The following OR4E1 variants were observed in gnomAD, a reference collection of about 807,000 sequenced individuals.
The protein encoded by OR4E1 is olfactory receptor family 4 subfamily E member 1, also known as olfactory receptor 4E1.
rs1386874310 is a variant in OR4E1, at chr14:21,668,435, TC to T, written c.*1552del. ...ACCTTGTGGCTCACAGGTTTATTGATCATACACTCACTGAGTGCCTAGGAAA... is the reference window on the plus strand; with the variant it reads ...ACCTTGTGGCTCACAGGTTTATTGATATACACTCACTGAGTGCCTAGGAAA... On this transcript the variant is annotated 3_prime_UTR_variant, in exon 2 of 2. Transcript: ENST00000641792. 1 of 115,768 alleles carries T rather than the reference TC, an allele frequency of 8.6e-6. No homozygotes were observed. The highest frequency in any genetic ancestry group is 1.9e-5 in the Non-Finnish European group (1 of 51,462). 7.2% of individuals were successfully genotyped at this position (115,768 alleles called of 1,614,324 possible).
In OR4E1 at chr14:21,670,022, A is replaced by G. The variant is rs979562530; in HGVS notation, c.914T>C (p.Leu305Ser). The G allele has an allele frequency of 2.5e-6, 1 of 398,566 alleles. No homozygotes were observed. The highest frequency in any genetic ancestry group is 2.1e-5 in the African/African-American group (1 of 48,692). The allele number at this position is 398,566 out of a possible 1,614,324, so 24.7% of individuals were successfully genotyped here. The change falls in exon 2 of 2, where the codon TTA becomes TCA. Residue 305 changes from leucine (L) to serine (S), a missense_variant. Leu to Ser is a moderately radical substitution (Grantham distance 145). Coordinates refer to ENST00000641792, the MANE Select transcript of OR4E1 (RefSeq NM_001317107.2). ...TTCTTTTCTCTCTTTTCTCCCCACT[A>G]ACTTGTTTAAGGCACTCTTCATTTC... is the stretch of plus-strand genomic sequence containing the variant. Reference protein sequence around the residue: ...NEEMKSALNKLVGRKERKEEK With the variant: ...NEEMKSALNKSVGRKERKEEK
chr14:21,671,662 G>A (rs1196333208), intron 1 of OR4E1, among the ~76,000 whole-genome samples: 1 of 152,176 alleles, frequency 6.6e-6, no homozygotes, highest in African/African-American at 2.4e-5. Context: ...CAAGATCCAA[G>A]CCTAATAACA....
At position 21,669,623 on chromosome 14, in the gene OR4E1, T is replaced by C. The variant is rs951703160; in HGVS notation, c.*365A>G. On this transcript the variant is annotated 3_prime_UTR_variant, in exon 2 of 2. Coordinates refer to ENST00000641792, the MANE Select transcript of OR4E1 (RefSeq NM_001317107.2). Reference sequence around the variant, plus strand: ...AACAGAAAAGCAGAAAGAGGCAGCATATGTTGTGAAAAGAGCTTGAGTTTC... The same window carrying C: ...AACAGAAAAGCAGAAAGAGGCAGCACATGTTGTGAAAAGAGCTTGAGTTTC... 2 of 155,960 alleles carry C rather than the reference T, an allele frequency of 1.3e-5. No individual in the cohort carries two copies. Among genetic ancestry groups the C allele is most frequent in the Admixed American group, 6.5e-5 (1 of 15,380 alleles). 9.7% of individuals were successfully genotyped at this position (155,960 alleles called of 1,614,324 possible).
At chr14:21,672,378 A>T (rs1282085881) in intron 1 of OR4E1, among the ~76,000 whole-genome samples, 1 of 152,200 alleles carries the variant, frequency 6.6e-6, no homozygotes, top group African/African-American at 2.4e-5. Flanking sequence ...CAAAGAAGAT[A>T]TTTTTGGGGC....
intron 1 of OR4E1, among the ~76,000 whole-genome samples, chr14:21,672,123 G>T (rs1220531475): frequency 6.6e-6 from 1 of 152,140 alleles, no homozygotes; most frequent in Non-Finnish European, 1.5e-5. Flanking sequence ...AGATTGTGGG[G>T]CAGGGTTAGG....
In OR4E1 at chr14:21,673,247, T is replaced by A. The variant is rs2138561166; in HGVS notation, c.-175A>T. On this transcript the variant is annotated 5_prime_UTR_variant, in exon 1 of 2. Transcript: ENST00000641792. ...TAAAAATCACACCTTTGTAGCTATATTATTATCATATTTTTCAATATGTCA... is the reference window on the plus strand; with the variant it reads ...TAAAAATCACACCTTTGTAGCTATAATATTATCATATTTTTCAATATGTCA... 1 of 152,294 alleles carries A rather than the reference T, an allele frequency of 6.6e-6. No homozygotes were observed. Among genetic ancestry groups the A allele is most frequent in the Non-Finnish European group, 1.5e-5 (1 of 68,020 alleles). The allele number at this position is 152,294 out of a possible 1,614,324, so 9.4% of individuals were successfully genotyped here.
At chr14:21,671,179 A>G (rs1319153816) in intron 1 of OR4E1, among the ~76,000 whole-genome samples, 1 of 152,244 alleles carries the variant, frequency 6.6e-6, no homozygotes, top group Non-Finnish European at 1.5e-5. Flanking sequence ...TCATTCATTA[A>G]GAGATATAAA....
chr14:21,669,193 A>T lies in OR4E1; in HGVS notation c.*795T>A, dbSNP rs1880796976. On this transcript the variant is annotated 3_prime_UTR_variant, in exon 2 of 2. Coordinates refer to ENST00000641792, the MANE Select transcript of OR4E1 (RefSeq NM_001317107.2). Reference sequence around the variant, plus strand: ...CTCTAACAGCACCCTGCTGTTTTATAGCATTTATCACAATCTGTAGTTAAA... The same window carrying T: ...CTCTAACAGCACCCTGCTGTTTTATTGCATTTATCACAATCTGTAGTTAAA... The T allele has an allele frequency of 6.6e-6, 1 of 152,226 alleles. No individual in the cohort carries two copies. Among genetic ancestry groups the T allele is most frequent in the Admixed American group, 6.5e-5 (1 of 15,286 alleles). 9.4% of individuals were successfully genotyped at this position (152,226 alleles called of 1,614,324 possible).
chr14:21,672,096 C>T (rs1205123226), intron 1 of OR4E1, among the ~76,000 whole-genome samples: 2 of 152,120 alleles, frequency 1.3e-5, no homozygotes, highest in African/African-American at 4.8e-5. Context: ...CTCTTCCTCT[C>T]CTTGGTGTCC....
At chr14:21,671,950 A>T (rs975920466) in intron 1 of OR4E1, among the ~76,000 whole-genome samples, 2 of 152,032 alleles carry the variant, frequency 1.3e-5, no homozygotes, top group Non-Finnish European at 2.9e-5. Context: ...ACGGAACTGG[A>T]GTCACAGCTG....
chr14:21,673,640 G>A lies in OR4E1; in HGVS notation c.-568C>T, dbSNP rs1273631563. The A allele has an allele frequency of 6.7e-6, 1 of 149,266 alleles. No individual in the cohort carries two copies. The highest frequency in any genetic ancestry group is 2.5e-5 in the African/African-American group (1 of 40,606). 9.2% of individuals were successfully genotyped at this position (149,266 alleles called of 1,614,324 possible). ...AAAAAAGAGTCAGCCACTTTTGCAG[G>A]CCCTTCAGGTTTATTAGGACACTTC... On this transcript the variant is annotated 5_prime_UTR_variant, in exon 1 of 2. Transcript: ENST00000641792.
chr14:21,669,551 G>C lies in OR4E1; in HGVS notation c.*437C>G, dbSNP rs1428861638. On this transcript the variant is annotated 3_prime_UTR_variant, in exon 2 of 2. Transcript: ENST00000641792. ...CATCTGAGTGAATGATGCAGGCAAG[G>C]GCTGCCCAGAAATCTGAAGGTTTGT... 1 of 152,444 alleles carries C rather than the reference G, an allele frequency of 6.6e-6. No individual in the cohort carries two copies. The highest frequency in any genetic ancestry group is 1.9e-4 in the East Asian group (1 of 5,206). 9.4% of individuals were successfully genotyped at this position (152,444 alleles called of 1,614,324 possible). A position where few individuals can be genotyped will look rare whatever the true frequency, so the allele number is the denominator to read the frequency against.
chr14:21,672,794 GA>G (rs972590276), intron 1 of OR4E1, among the ~76,000 whole-genome samples: 1 of 151,992 alleles, frequency 6.6e-6, no homozygotes, highest in Non-Finnish European at 1.5e-5. Flanking sequence ...GGAGCCACAG[GA>G]AAAAAATGCT....
chr14:21,671,197 T>G (rs1028472698), intron 1 of OR4E1, among the ~76,000 whole-genome samples: 1 of 152,172 alleles, frequency 6.6e-6, no homozygotes, highest in African/African-American at 2.4e-5. Context: ...AAAACAATCT[T>G]GAAGAGGGAG....
rs1480932330 is a variant in OR4E1, at chr14:21,669,733, T to A, written c.*255A>T. The A allele has an allele frequency of 4.0e-6, 1 of 247,966 alleles. No individual in the cohort carries two copies. The highest frequency in any genetic ancestry group is 5.5e-5 in the Admixed American group (1 of 18,108). The allele number at this position is 247,966 out of a possible 1,614,324, so 15.4% of individuals were successfully genotyped here. A position where few individuals can be genotyped will look rare whatever the true frequency, so the allele number is the denominator to read the frequency against. ...CATGTTATTTACTCTCCTCGAGCTT[T>A]AGTTTCTTCATGTACAAACAAGCAT... is the stretch of plus-strand genomic sequence containing the variant. On this transcript the variant is annotated 3_prime_UTR_variant, in exon 2 of 2. Transcript: ENST00000641792.
Position 21,670,637 on chromosome 14 carries a change from G to C in OR4E1, c.299C>G (p.Ala100Gly). The C allele has an allele frequency of 2.5e-6, 1 of 400,634 alleles. No individual in the cohort carries two copies. The allele number at this position is 400,634 out of a possible 1,614,324, so 24.8% of individuals were successfully genotyped here. Residue 100 changes from alanine to glycine, a missense_variant, in exon 2 of 2, where the codon GCC (alanine) becomes GGC (glycine). Coordinates refer to ENST00000641792, the MANE Select transcript of OR4E1 (RefSeq NM_001317107.2). ...CAGGAAGAACATCTGGGTCACACAG[G>C]CATCAAAAGAGATGAGCTTTTCCTC... ...WSEEKLISFD[A>G]CVTQMFFLHL...
chr14:21,671,794 A>AT (rs1260671538), intron 1 of OR4E1, among the ~76,000 whole-genome samples: 1 of 152,174 alleles, frequency 6.6e-6, no homozygotes, highest in South Asian at 2.1e-4. Flanking sequence ...AAGCACCACT[A>AT]TTTTTTAAAA....
Position 21,669,989 on chromosome 14 carries a change from C to A in OR4E1, c.947G>T (p.Ter316LeuextTer6). ...CGTATCCTAAGGACGTAGACATTTT[C>A]ATTTTTCTTCTTTTCTCTCTTTTCT... ...VGRKERKEEK[*>L] The change falls in exon 2 of 2, where the codon TGA (stop) becomes TTA (leucine). Residue 316 changes from the stop codon to leucine, a stop_lost. Transcript: ENST00000641792. The A allele has an allele frequency of 2.5e-6, 1 of 398,574 alleles. No homozygotes were observed. The highest frequency in any genetic ancestry group is 1.3e-4 in the South Asian group (1 of 7,832). 24.7% of individuals were successfully genotyped at this position (398,574 alleles called of 1,614,324 possible).
In OR4E1 at chr14:21,668,144, T is replaced by C. The variant is rs1017734087; in HGVS notation, c.*1844A>G. The C allele has an allele frequency of 2.6e-5, 4 of 152,586 alleles. No homozygotes were observed. Among genetic ancestry groups the C allele is most frequent in the African/African-American group, 2.4e-5 (1 of 41,448 alleles). 9.5% of individuals were successfully genotyped at this position (152,586 alleles called of 1,614,324 possible). ...TCCGTTATAGTTTTACCAGCTACAA[T>C]CTTAATGGCTACGTTGAAGCATTGT... On this transcript the variant is annotated 3_prime_UTR_variant, in exon 2 of 2. Transcript: ENST00000641792.
Sources: gnomAD v4.1 joint callset for allele counts (sites outside exome capture counted in the v4.1 genomes callset) on GRCh38, gnomAD v4.1.1 for gene constraint, MANE v1.5 for transcripts, NCBI Gene and HGNC (gene_info 2026-07-23, HGNC 2026-07-21) for gene names.